ACSS3: variants seen among roughly 807,000 people sequenced by gnomAD.
The protein encoded by ACSS3 is acyl-CoA synthetase short chain family member 3.
In ACSS3, 64 loss-of-function variants were observed where a neutral mutation model predicts 84.2. The observed-to-expected ratio is 0.76, with a 90% CI of 0.62 to 0.94. The LOEUF (loss-of-function observed/expected upper bound fraction) is 0.94. Among genes scored for constraint, ACSS3 ranks in the 40% least tolerant of loss-of-function variants. ACSS3 has a pLI of 0.00. For synonymous variants in ACSS3, 317 were observed against 310.1 expected (o/e 1.02, Z -0.23); for missense variants, 815 against 867.6 (o/e 0.94, Z 0.76).
chr12:81,087,493 G>T (rs1411102211), intron 1 of ACSS3, among the ~76,000 whole-genome samples: 1 of 151,892 alleles, frequency 6.6e-6, no homozygotes, highest in African/African-American at 2.4e-5. Context: ...TTCTACTGTA[G>T]ATCTGGCCAG....
At chr12:81,197,409 G>A (rs995717057) in intron 8 of ACSS3, among the ~76,000 whole-genome samples, 15 of 152,088 alleles carry the variant, frequency 9.9e-5, no homozygotes, top group African/African-American at 3.4e-4. Context: ...AATTGGTAAC[G>A]TGAGAACTTG....
chr12:81,116,083 G>A (rs1884019036), intron 2 of ACSS3, among the ~76,000 whole-genome samples: 1 of 151,910 alleles, frequency 6.6e-6, no homozygotes, highest in South Asian at 2.1e-4. Flanking sequence ...CAAGTATAAT[G>A]TATATATTGT....
intron 8 of ACSS3, among the ~76,000 whole-genome samples, chr12:81,192,322 G>A (rs916771140): frequency 1.3e-5 from 2 of 152,174 alleles, no homozygotes; most frequent in African/African-American, 4.8e-5. Flanking sequence ...CAAGGTTATA[G>A]TAAGCCGAGA....
intron 7 of ACSS3, among the ~76,000 whole-genome samples, chr12:81,156,791 A>G (rs566338009): frequency 7.2e-5 from 11 of 152,326 alleles, no homozygotes; most frequent in African/African-American, 2.4e-4. Context: ...AAAATCCAAT[A>G]TGTAATTAAA....
chr12:81,186,740 C>T (rs1423518522), intron 8 of ACSS3, among the ~76,000 whole-genome samples: 1 of 151,696 alleles, frequency 6.6e-6, no homozygotes, highest in East Asian at 1.9e-4. Flanking sequence ...GTAAAGGAAA[C>T]TCTTGTACTC....
chr12:81,143,354 A>C, intron 5 of ACSS3, 107 bp downstream of exon 5: 1 of 1,216,938 alleles, frequency 8.2e-7, no homozygotes, highest in Non-Finnish European at 1.1e-6. Context: ...TGAAGTTTAG[A>C]GAGTTACTTC....
Position 81,099,637 on chromosome 12 carries a change from T to C in ACSS3, c.312-9923T>C, listed in dbSNP as rs578129171. ...TTTAGATTTTACTAATTTAACTTTC[T>C]GTAGCTCAGTAACCAAATTTGCAGA... is the stretch of plus-strand genomic sequence containing the variant. On this transcript the variant is annotated intron_variant, in intron 1 of 15. Transcript: ENST00000548058. 1.3e-4 allele frequency among the ~76,000 whole-genome samples: 20 copies of C among 152,218 alleles called. 1 individual carries two copies. Among genetic ancestry groups the C allele is most frequent in the Non-Finnish European group, 2.5e-4 (17 of 68,028 alleles).
chr12:81,214,095 G>A (rs573623790), intron 9 of ACSS3, among the ~76,000 whole-genome samples: 9 of 147,820 alleles, frequency 6.1e-5, no homozygotes, highest in Admixed American at 1.4e-4. Context: ...GTGTGATCTC[G>A]GCTCACTGCA....
At chr12:81,116,473 G>A (rs1884056387) in intron 2 of ACSS3, among the ~76,000 whole-genome samples, 1 of 152,156 alleles carries the variant, frequency 6.6e-6, no homozygotes, top group South Asian at 2.1e-4. Context: ...TATTGTCCAT[G>A]AAATCAAGAC....
chr12:81,231,608 T>C (rs1444302763), intron 12 of ACSS3, among the ~76,000 whole-genome samples: 1 of 151,784 alleles, frequency 6.6e-6, no homozygotes, highest in Non-Finnish European at 1.5e-5. Flanking sequence ...TTTGACACCA[T>C]TTTTTGAATG....
At chr12:81,108,374 G>T (rs1883272074) in intron 1 of ACSS3, among the ~76,000 whole-genome samples, 1 of 151,856 alleles carries the variant, frequency 6.6e-6, no homozygotes, top group Non-Finnish European at 1.5e-5. Flanking sequence ...CACCTCCTGG[G>T]TTCAAGCAGT....
In ACSS3 at chr12:81,078,111, GC is replaced by G; in HGVS notation, c.-8del. On this transcript the variant is annotated 5_prime_UTR_variant, in exon 1 of 16. Coordinates refer to ENST00000548058, the MANE Select transcript of ACSS3 (RefSeq NM_024560.4). ...GTCGCACACTCGGGGACCGCGGGTGGCCGGAGGAGATGAAACCGTCTTGGCT... is the reference window on the plus strand; with the variant it reads ...GTCGCACACTCGGGGACCGCGGGTGGCGGAGGAGATGAAACCGTCTTGGCT... 1 of 1,466,770 alleles carries G rather than the reference GC, an allele frequency of 6.8e-7. No individual in the cohort carries two copies. 90.9% of individuals were successfully genotyped at this position (1,466,770 alleles called of 1,614,324 possible). A position where few individuals can be genotyped will look rare whatever the true frequency, so the allele number is the denominator to read the frequency against.
At chr12:81,167,201 T>A (rs1356351013) in intron 7 of ACSS3, among the ~76,000 whole-genome samples, 1 of 152,178 alleles carries the variant, frequency 6.6e-6, no homozygotes, top group Non-Finnish European at 1.5e-5. Flanking sequence ...AAACTTTTTT[T>A]AAAGGGGATT....
At chr12:81,117,473 G>A (rs1465880183) in intron 2 of ACSS3, among the ~76,000 whole-genome samples, 1 of 152,138 alleles carries the variant, frequency 6.6e-6, no homozygotes, top group Non-Finnish European at 1.5e-5. Context: ...GAAATAAAGG[G>A]TGGGATAGGA....
chr12:81,104,468 G>C (rs868132718), intron 1 of ACSS3, among the ~76,000 whole-genome samples: 12 of 152,240 alleles, frequency 7.9e-5, no homozygotes, highest in African/African-American at 2.2e-4. Flanking sequence ...CTCTTGCCAA[G>C]GTGTAGCAAG....
chr12:81,240,765 C>G (rs2033772602), intron 13 of ACSS3, among the ~76,000 whole-genome samples: 1 of 151,996 alleles, frequency 6.6e-6, no homozygotes. Flanking sequence ...ATGTTTACAA[C>G]TAACCAAATC....
In ACSS3 at chr12:81,229,407, C is replaced by T. The variant is rs2033381099; in HGVS notation, c.1515-1650C>T. Among the ~76,000 whole-genome samples the T allele has an allele frequency of 2.6e-5, 4 of 151,952 alleles. No individual in the cohort carries two copies. In the South Asian group the frequency reaches 8.3e-4, roughly 31 times the overall value. On this transcript the variant is annotated intron_variant, in intron 11 of 15. Transcript: ENST00000548058. ...ATCCTCTTTGCTTTTTCACCTTCAG[C>T]ATCCTGAAAGTGCTGCTAAGTTGAT... is the stretch of plus-strand genomic sequence containing the variant.
At chr12:81,231,281 T>A in intron 12 of ACSS3, 143 bp downstream of exon 12, 1 of 608,658 alleles carries the variant, frequency 1.6e-6, no homozygotes, top group Non-Finnish European at 2.8e-6. Context: ...CTCCCAGGGA[T>A]AAGAATGCCC....
intron 9 of ACSS3, among the ~76,000 whole-genome samples, chr12:81,215,164 T>C (rs1346994565): frequency 6.6e-6 from 1 of 152,206 alleles, no homozygotes; most frequent in East Asian, 1.9e-4. Context: ...GCTTTGATTA[T>C]GCTGTGGGGA....
Sources: gnomAD v4.1 joint callset for allele counts (sites outside exome capture counted in the v4.1 genomes callset) on GRCh38, gnomAD v4.1.1 for gene constraint, MANE v1.5 for transcripts, NCBI Gene and HGNC (gene_info 2026-07-23, HGNC 2026-07-21) for gene names.